Variants in WDR25 observed in about 807,000 individuals in gnomAD.
WDR25 encodes the protein WD repeat-containing protein 25.
Under a neutral mutation model 47.7 loss-of-function variants are expected in WDR25, and 35 were observed. That is an observed-to-expected ratio of 0.73 (90% CI 0.56 to 0.97). WDR25 has a LOEUF of 0.97. Ranked by LOEUF, WDR25 falls within the 50% of genes least tolerant of loss-of-function variation. The pLI is 0.00. For synonymous variants in WDR25, 248 were observed against 278.9 expected, an observed-to-expected ratio of 0.89 and a Z score of 1.10; for missense variants, 634 against 704.7, an observed-to-expected ratio of 0.90 and a Z score of 1.14.
chr14:100,436,794 C>T (rs1401207293), intron 2 of WDR25, among the ~76,000 whole-genome samples: 3 of 152,190 alleles, frequency 2.0e-5, no homozygotes, highest in Admixed American at 6.5e-5. Context: ...CAGAAGAGAG[C>T]GTCTCTTCGC....
intron 3 of WDR25, chr14:100,481,154 A>T (rs1260370716): frequency 1.5e-5 from 7 of 458,352 alleles, no homozygotes; most frequent in African/African-American, 1.2e-4. Flanking sequence ...AGCAAAGGGA[A>T]AACAGGCCAA....
chr14:100,408,781 T>G (rs921264264), intron 2 of WDR25, among the ~76,000 whole-genome samples: 7 of 152,252 alleles, frequency 4.6e-5, no homozygotes, highest in African/African-American at 1.7e-4. Context: ...TTTCTGTGCC[T>G]TGGGTGTTTT....
intron 2 of WDR25, among the ~76,000 whole-genome samples, chr14:100,439,956 T>G (rs528433527): frequency 9.3e-4 from 141 of 152,236 alleles, no homozygotes; most frequent in Non-Finnish European, 1.5e-3. Flanking sequence ...CCACTTCCAG[T>G]TGGAGGAAGC....
intron 4 of WDR25, among the ~76,000 whole-genome samples, chr14:100,517,155 G>A (rs995591522): frequency 3.2e-4 from 39 of 123,020 alleles, no homozygotes; most frequent in African/African-American, 1.1e-3. Flanking sequence ...TCGCTCTGTC[G>A]CCCAGGCTGG....
At chr14:100,456,240 A>G (rs961080435) in intron 2 of WDR25, among the ~76,000 whole-genome samples, 8 of 152,188 alleles carry the variant, frequency 5.3e-5, no homozygotes. Flanking sequence ...CCAGCCACTC[A>G]GGCTGAGACG....
At position 100,380,908 on chromosome 14, in the gene WDR25, A is replaced by T; in HGVS notation, c.-15-2A>T. ...CTGACGGTTGACCTTGTTTGATCTT[A>T]GGTGGTTTGGCTTTGAATGACAGCA... On this transcript the variant is annotated splice_acceptor_variant, in intron 1 of 6. Coordinates refer to ENST00000402312, the MANE Select transcript of WDR25 (RefSeq NM_001161476.3). LOFTEE classifies it low-confidence loss of function (5UTR_SPLICE). 2 of 1,605,786 alleles carry T rather than the reference A, an allele frequency of 1.2e-6. No homozygotes were observed. Among genetic ancestry groups the T allele is most frequent in the Non-Finnish European group, 1.7e-6 (2 of 1,173,508 alleles).
Position 100,523,898 on chromosome 14 carries a change from T to C in WDR25, c.1102-1972T>C, listed in dbSNP as rs1159106019. On this transcript the variant is annotated intron_variant, in intron 4 of 6. Coordinates refer to ENST00000402312, the MANE Select transcript of WDR25 (RefSeq NM_001161476.3). The surrounding 1 kb of genome is among the most constrained non-coding windows in gnomAD (Gnocchi z 4.7). ...GCTGTTGGTGTAATTAAGGTTGCCA[T>C]AAAACCCACCAGCTAGACACACAAA... Among the ~76,000 whole-genome samples, 1 of 152,100 alleles carries C rather than the reference T, an allele frequency of 6.6e-6. No individual in the cohort carries two copies. Among genetic ancestry groups the C allele is most frequent in the Non-Finnish European group, 1.5e-5 (1 of 68,012 alleles).
chr14:100,382,262 G>A lies in WDR25; in HGVS notation c.822+516G>A. 3 of 683,694 alleles carry A rather than the reference G, an allele frequency of 4.4e-6. No homozygotes were observed. The South Asian group carries it at 4.6e-5, about 10-fold the overall frequency. The allele number at this position is 683,694 out of a possible 1,614,324, so 42.4% of individuals were successfully genotyped here. On this transcript the variant is annotated intron_variant, in intron 2 of 6. Transcript: ENST00000402312. ...AGGACGGCCCCCAGTAGGACACACA[G>A]GTGCTCTGGGAGCCCAACGGGAGGG...
At position 100,407,211 on chromosome 14, in the gene WDR25, T is replaced by C. The variant is rs1481020383; in HGVS notation, c.822+25465T>C. 1 of 152,254 alleles carries C rather than the reference T, an allele frequency of 6.6e-6. No homozygotes were observed. Among genetic ancestry groups the C allele is most frequent in the Non-Finnish European group, 1.5e-5 (1 of 68,044 alleles). The allele number at this position is 152,254 out of a possible 1,614,324, so 9.4% of individuals were successfully genotyped here. On this transcript the variant is annotated intron_variant, in intron 2 of 6. Transcript: ENST00000402312. The surrounding 1 kb of genome is among the most constrained non-coding windows in gnomAD (Gnocchi z 4.1). Reference sequence around the variant, plus strand: ...TCAGAGCTCAGACAGTTAATTTGCATTGTGTCCTATATTCCTGAAAAGTTG... The same window carrying C: ...TCAGAGCTCAGACAGTTAATTTGCACTGTGTCCTATATTCCTGAAAAGTTG...
At chr14:100,395,701 A>C (rs1314399754) in intron 2 of WDR25, among the ~76,000 whole-genome samples, 1 of 152,144 alleles carries the variant, frequency 6.6e-6, no homozygotes, top group African/African-American at 2.4e-5. Context: ...AGGGCAGGGA[A>C]TTTGTTTTCT....
Position 100,468,238 on chromosome 14 carries a change from C to T in WDR25, c.970+70C>T. ...TCCCTGGGGAAGGTTCTCTGGTGGGCACGCAGCCACAAGCTGTATACGCTT... is the reference window on the plus strand; with the variant it reads ...TCCCTGGGGAAGGTTCTCTGGTGGGTACGCAGCCACAAGCTGTATACGCTT... On this transcript the variant is annotated intron_variant, in intron 3 of 6. Coordinates refer to ENST00000402312, the MANE Select transcript of WDR25 (RefSeq NM_001161476.3). This position sits in a 1 kb window ranked among gnomAD's most constrained non-coding sequence, Gnocchi z 4.5. 3 of 1,557,604 alleles carry T rather than the reference C, an allele frequency of 1.9e-6. No homozygotes were observed. Among genetic ancestry groups the T allele is most frequent in the South Asian group, 1.2e-5 (1 of 83,484 alleles).
At chr14:100,491,928 C>G (rs984009247) in intron 4 of WDR25, among the ~76,000 whole-genome samples, 1 of 152,198 alleles carries the variant, frequency 6.6e-6, no homozygotes, top group African/African-American at 2.4e-5. Context: ...GAAACTGGTT[C>G]TGAAAGGTTC....
chr14:100,390,271 T>G (rs1238886515), intron 2 of WDR25, among the ~76,000 whole-genome samples: 1 of 152,206 alleles, frequency 6.6e-6, no homozygotes, highest in African/African-American at 2.4e-5. Context: ...CTGAAATGTT[T>G]GTCTCTTTCT....
At chr14:100,510,567 C>G (rs1322701882) in intron 4 of WDR25, among the ~76,000 whole-genome samples, 2 of 151,754 alleles carry the variant, frequency 1.3e-5, no homozygotes, top group African/African-American at 4.8e-5. Flanking sequence ...GAAACCCCGT[C>G]TCTACTAAAA....
rs573922089 is a variant in WDR25 at position 100,510,692 on chromosome 14, C to T, written c.1102-15178C>T. On this transcript the variant is annotated intron_variant, in intron 4 of 6. Coordinates refer to ENST00000402312, the MANE Select transcript of WDR25 (RefSeq NM_001161476.3). ...CGGAGGTTGCAGTGAGCCGAGATCG[C>T]GTCATTGCACTCCAGCCTGGGTGAC... Among the ~76,000 whole-genome samples, 8 of 151,534 alleles carry T rather than the reference C, an allele frequency of 5.3e-5. No individual in the cohort carries two copies. The South Asian group carries it at 1.0e-3, about 20-fold the overall frequency.
Position 100,525,442 on chromosome 14 carries a change from C to G in WDR25, c.1102-428C>G, listed in dbSNP as rs1219693639. 2.0e-5 allele frequency among the ~76,000 whole-genome samples: 3 copies of G among 152,214 alleles called. No individual in the cohort carries two copies. The highest frequency in any genetic ancestry group is 4.4e-5 in the Non-Finnish European group (3 of 68,046). On this transcript the variant is annotated intron_variant, in intron 4 of 6. Transcript: ENST00000402312. This position sits in a 1 kb window ranked among gnomAD's most constrained non-coding sequence, Gnocchi z 4.6. ...TTGCTCCTGCATTACTGTGGCTCCT[C>G]TGGGACAACAATCTGGGACTTTGCA...
intron 4 of WDR25, among the ~76,000 whole-genome samples, chr14:100,486,884 A>G (rs891195180): frequency 6.6e-6 from 1 of 152,210 alleles, no homozygotes; most frequent in African/African-American, 2.4e-5. Context: ...AAAGTAATAC[A>G]GAATCATATG....
At chr14:100,504,402 C>T (rs1393458543) in intron 4 of WDR25, 1 of 151,974 alleles carries the variant, frequency 6.6e-6, no homozygotes, top group Non-Finnish European at 1.5e-5. Flanking sequence ...GTTATTTTTC[C>T]TGTATCTTTC....
chr14:100,499,271 A>G lies in WDR25; in HGVS notation c.1101+15147A>G, dbSNP rs560424129. 7.7e-4 allele frequency among the ~76,000 whole-genome samples: 117 copies of G among 152,318 alleles called. No homozygotes were observed. Among genetic ancestry groups the G allele is most frequent in the Middle Eastern group, 3.4e-3 (1 of 294 alleles). ...TATTATAATATCATTAGAATTTCCCATATTGTTAAAAGGTTTTTGGATGCT... is the reference window on the plus strand; with the variant it reads ...TATTATAATATCATTAGAATTTCCCGTATTGTTAAAAGGTTTTTGGATGCT... On this transcript the variant is annotated intron_variant, in intron 4 of 6. Transcript: ENST00000402312. The surrounding 1 kb of genome is among the most constrained non-coding windows in gnomAD (Gnocchi z 4.4).
Sources: allele counts gnomAD v4.1 joint callset (sites outside exome capture counted in the v4.1 genomes callset), GRCh38; gene constraint gnomAD v4.1.1; non-coding constraint Gnocchi (gnomAD v3.1); transcripts MANE v1.5; gene names NCBI Gene and HGNC (gene_info 2026-07-23, HGNC 2026-07-21).